SCAMP2: variants seen among roughly 807,000 people sequenced by gnomAD.
SCAMP2 encodes the protein secretory carrier-associated membrane protein 2.
In SCAMP2, 25 loss-of-function variants were observed where a neutral mutation model predicts 44.1. The ratio of observed to expected loss-of-function variants is 0.57; its 90% CI spans 0.41 to 0.79. The LOEUF is 0.79. Ranked by LOEUF, SCAMP2 falls within the 30% of genes least tolerant of loss-of-function variation. The pLI is 0.00. For synonymous variants in SCAMP2, 156 were observed against 166.0 expected (o/e 0.94, Z 0.46); for missense variants, 355 against 411.0 (o/e 0.86, Z 1.18).
chr15:74,845,202 G>T lies in SCAMP2; in HGVS notation c.871C>A (p.Arg291=), dbSNP rs769235979. 5.0e-6 allele frequency: 8 copies of T among 1,613,134 alleles called. No homozygotes were observed. The highest frequency in any genetic ancestry group is 4.0e-5 in the African/African-American group (3 of 74,910). Residue 291 remains arginine (R), a synonymous_variant, in exon 9 of 9, where the codon CGA becomes AGA. Coordinates refer to ENST00000268099, the MANE Select transcript of SCAMP2 (RefSeq NM_005697.5). ...FLLQRVHSLY[R]RTGASFQQAQ... is the part of the protein sequence containing the mutation. ...TGCTGGAAGCTGGCCCCTGTCCGTC[G>T]GTAGAGGGAGTGCACCTGGCGAAGA... is the stretch of plus-strand genomic sequence containing the variant.
At chr15:74,856,264 CTTTTTTTTTTTTT>C (rs34812536) in intron 1 of SCAMP2, among the ~76,000 whole-genome samples, 5 of 60,408 alleles carry the variant, frequency 8.3e-5, no homozygotes, top group African/African-American at 2.0e-4. Context: ...AGAGCCAGTT[CTTTTTTTTTTTTT>C]TTTTTTTTTT....
intron 1 of SCAMP2, among the ~76,000 whole-genome samples, chr15:74,862,547 G>A (rs2064514028): frequency 6.6e-6 from 1 of 152,054 alleles, no homozygotes; most frequent in South Asian, 2.1e-4. Flanking sequence ...CTGCACTCCA[G>A]TCTGGGGGAC....
intron 1 of SCAMP2, among the ~76,000 whole-genome samples, chr15:74,868,412 C>T (rs1009135405): frequency 3.3e-5 from 5 of 152,162 alleles, no homozygotes; most frequent in Non-Finnish European, 7.3e-5. Flanking sequence ...AAGGATATAA[C>T]GACTGAGCAG....
intron 6 of SCAMP2, among the ~76,000 whole-genome samples, chr15:74,849,363 A>G (rs1460948857): frequency 6.6e-6 from 1 of 151,708 alleles, no homozygotes; most frequent in Non-Finnish European, 1.5e-5. Context: ...CAGGAGACTC[A>G]CTTGAACCTG....
intron 1 of SCAMP2, among the ~76,000 whole-genome samples, chr15:74,872,637 C>T (rs12441499): frequency 0.075 from 11,453 of 152,200 alleles, 1,204 homozygotes; most frequent in African/African-American, 0.23. Flanking sequence ...CATTTTTCAA[C>T]TTGGGCTACC....
intron 1 of SCAMP2, among the ~76,000 whole-genome samples, chr15:74,867,226 G>C (rs1156436073): frequency 2.6e-5 from 4 of 152,264 alleles, no homozygotes; most frequent in Non-Finnish European, 5.9e-5. Context: ...ACATCTCAAA[G>C]CAGCACTTGC....
In SCAMP2 at chr15:74,845,121, C is replaced by G; in HGVS notation, c.952G>C (p.Ala318Pro). The change falls in exon 9 of 9, where the codon GCT becomes CCT. Residue 318 changes from alanine to proline, a missense_variant. By Grantham distance (27) the Ala-to-Pro change is conservative (BLOSUM62 -1). Coordinates refer to ENST00000268099, the MANE Select transcript of SCAMP2 (RefSeq NM_005697.5). Reference sequence around the variant, plus strand: ...AAGGCTCCTTGGGCAGCAGATGAAGCAGCTCTGTGGAAGGTTCTGCTGCTG... The same window carrying G: ...AAGGCTCCTTGGGCAGCAGATGAAGGAGCTCTGTGGAAGGTTCTGCTGCTG... ...IFSSRTFHRA[A>P]SSAAQGAFQG... is the part of the protein sequence containing the mutation. The G allele has an allele frequency of 6.2e-7, 1 of 1,614,068 alleles. No individual in the cohort carries two copies. Among genetic ancestry groups the G allele is most frequent in the South Asian group, 1.1e-5 (1 of 91,084 alleles).
In SCAMP2 at chr15:74,862,286, A is replaced by AAC. The variant is rs1567253978; in HGVS notation, c.58-7638_58-7637insGT. Among the ~76,000 whole-genome samples, 2 of 130,280 alleles carry AAC rather than the reference A, an allele frequency of 1.5e-5. 1 individual carries two copies. 85.5% of individuals were successfully genotyped at this position (130,280 alleles called of 152,430 possible). Reference sequence around the variant, plus strand: ...TCCAAAAAAAAAAAAAAAAAAAAAAAAAATTCCTGGCCAGGTGCAATGGCT... The same window carrying AAC: ...TCCAAAAAAAAAAAAAAAAAAAAAAAACAAATTCCTGGCCAGGTGCAATGGCT... On this transcript the variant is annotated intron_variant, in intron 1 of 8. Transcript: ENST00000268099.
chr15:74,869,242 G>A (rs1028994677), intron 1 of SCAMP2, among the ~76,000 whole-genome samples: 3 of 151,832 alleles, frequency 2.0e-5, no homozygotes, highest in Non-Finnish European at 4.4e-5. Flanking sequence ...TTCAGGACTG[G>A]CATTACTCAG....
chr15:74,858,568 GCTTGT>G (rs2064481689), intron 1 of SCAMP2, among the ~76,000 whole-genome samples: 1 of 152,080 alleles, frequency 6.6e-6, no homozygotes, highest in Non-Finnish European at 1.5e-5. Context: ...AGGGGAAGTA[GCTTGT>G]CTTAAGATCT....
intron 1 of SCAMP2, among the ~76,000 whole-genome samples, chr15:74,861,330 A>C (rs1307302633): frequency 3.3e-5 from 5 of 152,216 alleles, no homozygotes. Context: ...AATCACCCCC[A>C]GAGTGGCTAG....
At chr15:74,867,122 C>G (rs957662932) in intron 1 of SCAMP2, among the ~76,000 whole-genome samples, 7 of 152,174 alleles carry the variant, frequency 4.6e-5, no homozygotes, top group Admixed American at 1.3e-4. Flanking sequence ...AGCTCTCCTG[C>G]CAGAAGCCAT....
At chr15:74,858,983 G>T (rs1325853551) in intron 1 of SCAMP2, among the ~76,000 whole-genome samples, 1 of 151,432 alleles carries the variant, frequency 6.6e-6, no homozygotes, top group East Asian at 1.9e-4. Flanking sequence ...TACTTTTTTT[G>T]TATTTTTAGT....
chr15:74,853,424 T>C, intron 3 of SCAMP2: 1 of 456,454 alleles, frequency 2.2e-6, no homozygotes, highest in Non-Finnish European at 4.4e-6. Context: ...CCTAGGAGCA[T>C]CTGCCTCTCT....
chr15:74,849,775 GGT>G (rs537519476), intron 6 of SCAMP2, among the ~76,000 whole-genome samples: 4 of 152,220 alleles, frequency 2.6e-5, no homozygotes, highest in Admixed American at 2.0e-4. Context: ...GAGGATACGT[GGT>G]AACAAAGAAC....
intron 1 of SCAMP2, among the ~76,000 whole-genome samples, chr15:74,862,598 A>G (rs151041575): frequency 5.3e-5 from 8 of 152,000 alleles, no homozygotes; most frequent in African/African-American, 1.4e-4. Flanking sequence ...AATAATTAAC[A>G]ATGGTTGCAA....
intron 6 of SCAMP2, among the ~76,000 whole-genome samples, chr15:74,849,915 A>G (rs2064424511): frequency 6.6e-6 from 1 of 152,218 alleles, no homozygotes; most frequent in Admixed American, 6.5e-5. Flanking sequence ...GCTAGATCAC[A>G]GTGAGGGTTC....
intron 1 of SCAMP2, among the ~76,000 whole-genome samples, chr15:74,858,806 CTTTTTTTT>C (rs917391053): frequency 1.1e-5 from 1 of 91,256 alleles, no homozygotes; most frequent in Non-Finnish European, 2.1e-5. Context: ...AGAGCTGGTT[CTTTTTTTT>C]TTTTTTTTTT....
intron 8 of SCAMP2, 58 bp from the exon 9 acceptor site, chr15:74,845,275 C>T: frequency 6.3e-7 from 1 of 1,597,498 alleles, no homozygotes; most frequent in South Asian, 1.1e-5. Flanking sequence ...AGGAAGCCAG[C>T]CATCCAGGTT....
Sources: allele counts gnomAD v4.1 joint callset (sites outside exome capture counted in the v4.1 genomes callset), GRCh38; gene constraint gnomAD v4.1.1; transcripts MANE v1.5; gene names NCBI Gene and HGNC (gene_info 2026-07-23, HGNC 2026-07-21).